Variants in PTPRF observed in about 807,000 individuals in gnomAD.
PTPRF encodes the protein protein tyrosine phosphatase receptor type F.
Under a neutral mutation model 201.8 loss-of-function variants are expected in PTPRF, and 59 were observed. That is an observed-to-expected ratio of 0.29 (90% CI 0.24 to 0.36). The LOEUF (loss-of-function observed/expected upper bound fraction) is 0.36, where lower values mean the gene tolerates loss of function less well. Ranked by LOEUF, PTPRF falls within the 10% of genes least tolerant of loss-of-function variation. The pLI is 1.00. For missense variants in PTPRF, 2,132 were observed against 2,690.5 expected, an observed-to-expected ratio of 0.79 and a Z score of 4.59; for synonymous variants, 1,088 against 1,089.7, an observed-to-expected ratio of 1.00 and a Z score of 0.03.
chr1:43,589,151 T>TC, intron 8 of PTPRF, 151 bp downstream of exon 8: 3 of 901,368 alleles, frequency 3.3e-6, no homozygotes, highest in Non-Finnish European at 3.1e-6. Context: ...CCTCCAGCCC[T>TC]TAGAGGGAGG....
At chr1:43,618,807 G>A (rs1293893121) in intron 26 of PTPRF, 58 bp downstream of exon 26, 2 of 1,572,810 alleles carry the variant, frequency 1.3e-6, no homozygotes, top group African/African-American at 2.7e-5. Flanking sequence ...CAGTGGCCTG[G>A]GTGTGGTGTG....
At chr1:43,536,902 G>A (rs939822014) in intron 1 of PTPRF, among the ~76,000 whole-genome samples, 1 of 152,206 alleles carries the variant, frequency 6.6e-6, no homozygotes, top group African/African-American at 2.4e-5. Context: ...ATTGGCAGAG[G>A]TGGTTAGTGC....
chr1:43,609,808 C>T (rs903682229), intron 22 of PTPRF, among the ~76,000 whole-genome samples: 4 of 152,198 alleles, frequency 2.6e-5, no homozygotes, highest in Non-Finnish European at 4.4e-5. Context: ...GCCCACGTCT[C>T]TGCCACAGGG....
chr1:43,528,800 A>T (rs1448042307), upstream of PTPRF: 1 of 152,172 alleles, frequency 6.6e-6, no homozygotes, highest in Admixed American at 6.5e-5. Flanking sequence ...GCTCTTAGTT[A>T]TATGGATCTG....
chr1:43,588,350 GA>G lies in PTPRF; in HGVS notation c.680-380del, dbSNP rs1202671683. Among the ~76,000 whole-genome samples the G allele has an allele frequency of 3.9e-5, 6 of 152,330 alleles. No homozygotes were observed. The East Asian group carries it at 1.2e-3, about 29-fold the overall frequency. ...GGTGCTCCAGCCAGGAGCAGGCAGA[GA>G]TAGGCCCTGGAGAACACCCTGGGTT... On this transcript the variant is annotated intron_variant, in intron 7 of 33. Coordinates refer to ENST00000359947, the MANE Select transcript of PTPRF (RefSeq NM_002840.5). The surrounding 1 kb of genome is among the most constrained non-coding windows in gnomAD (Gnocchi z 5.3).
At position 43,603,547 on chromosome 1, in the gene PTPRF, C is replaced by A. The variant is rs752563491; in HGVS notation, c.2458+14C>A. The A allele has an allele frequency of 6.2e-7, 1 of 1,613,118 alleles. No individual in the cohort carries two copies. The highest frequency in any genetic ancestry group is 1.1e-5 in the South Asian group (1 of 91,060). On this transcript the variant is annotated intron_variant, in intron 15 of 33. Coordinates refer to ENST00000359947, the MANE Select transcript of PTPRF (RefSeq NM_002840.5). This position sits in a 1 kb window ranked among gnomAD's most constrained non-coding sequence, Gnocchi z 5.8. The stretch of plus-strand genomic sequence containing the variant: ...CAACAGGTGCAGGTGAGTGAGGGGT[C>A]AGGACGGACCTGAGGGTGGGGCAGC...
At chr1:43,607,516 G>T (rs1655410868) in intron 21 of PTPRF, among the ~76,000 whole-genome samples, 1 of 152,236 alleles carries the variant, frequency 6.6e-6, no homozygotes, top group South Asian at 2.1e-4. Flanking sequence ...TCTATCGGCA[G>T]TGGCCACCAC....
At chr1:43,529,036 C>T (rs1236121642), upstream of PTPRF, among the ~76,000 whole-genome samples, 1 of 152,166 alleles carries the variant, frequency 6.6e-6, no homozygotes, top group Non-Finnish European at 1.5e-5. Context: ...GTTTTAATAA[C>T]TCAGCAATGG....
Position 43,553,837 on chromosome 1 carries a change from G to A in PTPRF, c.275G>A (p.Arg92Gln), listed in dbSNP as rs1645181120. Residue 92 changes from arginine to glutamine, a missense_variant, in exon 5 of 34, where the codon CGG becomes CAG. Transcript: ENST00000359947. This position sits in a 1 kb window ranked among gnomAD's most constrained non-coding sequence, Gnocchi z 4.1. Reference sequence around the variant, plus strand: ...GATGATGGGGCAGGGTCAGTGCTTCGGATCCAGCCATTGCGGGTGCAGCGA... The same window carrying A: ...GATGATGGGGCAGGGTCAGTGCTTCAGATCCAGCCATTGCGGGTGCAGCGA... ...EFDDGAGSVL[R>Q]IQPLRVQRDE... 2 of 1,614,062 alleles carry A rather than the reference G, an allele frequency of 1.2e-6. No individual in the cohort carries two copies. Among genetic ancestry groups the A allele is most frequent in the Admixed American group, 1.7e-5 (1 of 60,000 alleles).
intron 13 of PTPRF, among the ~76,000 whole-genome samples, chr1:43,599,651 A>T (rs551037059): frequency 1.3e-5 from 2 of 152,232 alleles, no homozygotes; most frequent in South Asian, 4.1e-4. Flanking sequence ...TCCTGGGAGG[A>T]TGGTCCTGCC....
intron 25 of PTPRF, 90 bp downstream of exon 25, chr1:43,618,001 G>T (rs1226031287): frequency 2.9e-6 from 4 of 1,364,366 alleles, no homozygotes; most frequent in Non-Finnish European, 4.0e-6. Flanking sequence ...GCTTTCTTCT[G>T]TGGAGGAAGT....
chr1:43,610,634 C>A (rs988003217), intron 22 of PTPRF, among the ~76,000 whole-genome samples: 2 of 152,246 alleles, frequency 1.3e-5, no homozygotes, highest in Non-Finnish European at 2.9e-5. Flanking sequence ...GATCCCAGCA[C>A]TTTGGGAGGC....
At chr1:43,549,128 T>C (rs868117615) in intron 3 of PTPRF, among the ~76,000 whole-genome samples, 1 of 152,170 alleles carries the variant, frequency 6.6e-6, no homozygotes, top group Non-Finnish European at 1.5e-5. Context: ...GGGGGCACGC[T>C]CTCGTGGGGT....
Position 43,620,231 on chromosome 1 carries a change from C to A in PTPRF, c.5238+10C>A. ...TCGGGAGATGGGCAGGGTGAGCCCA[C>A]CCTTTCCCCCAGGGCCCCTGTCATA... On this transcript the variant is annotated intron_variant, in intron 30 of 33. Coordinates refer to ENST00000359947, the MANE Select transcript of PTPRF (RefSeq NM_002840.5). 1 of 1,613,588 alleles carries A rather than the reference C, an allele frequency of 6.2e-7. No homozygotes were observed. The highest frequency in any genetic ancestry group is 8.5e-7 in the Non-Finnish European group (1 of 1,179,688).
At chr1:43,548,969 C>T (rs1644853853) in intron 3 of PTPRF, among the ~76,000 whole-genome samples, 1 of 152,212 alleles carries the variant, frequency 6.6e-6, no homozygotes, top group African/African-American at 2.4e-5. Flanking sequence ...GGTTGCAGCC[C>T]CCTTCCTCCA....
intron 8 of PTPRF, 147 bp downstream of exon 8, chr1:43,589,147 G>T (rs1187370672): frequency 1.2e-5 from 11 of 919,904 alleles, no homozygotes; most frequent in Middle Eastern, 3.4e-4. Flanking sequence ...GGGTCCTCCA[G>T]CCCTTAGAGG....
chr1:43,572,356 T>A (rs929996150), intron 6 of PTPRF, among the ~76,000 whole-genome samples: 2 of 152,234 alleles, frequency 1.3e-5, no homozygotes, highest in Non-Finnish European at 2.9e-5. Flanking sequence ...TCCTTCTGCT[T>A]TCCAGGTCCA....
At chr1:43,574,865 C>T (rs763552534) in intron 6 of PTPRF, among the ~76,000 whole-genome samples, 1 of 152,242 alleles carries the variant, frequency 6.6e-6, no homozygotes, top group Non-Finnish European at 1.5e-5. Context: ...CACTCACAAG[C>T]TGGTGTGACC....
Position 43,542,919 on chromosome 1 carries a change from A to T in PTPRF, c.-45-2112A>T, listed in dbSNP as rs1001033351. On this transcript the variant is annotated intron_variant, in intron 2 of 33. Coordinates refer to ENST00000359947, the MANE Select transcript of PTPRF (RefSeq NM_002840.5). The surrounding 1 kb of genome is among the most constrained non-coding windows in gnomAD (Gnocchi z 5.2). Reference sequence around the variant, plus strand: ...ATTTTCATAGCAGGGAGATATGCTCATGCTGGGGGCCTATGTCCCTATGAA... The same window carrying T: ...ATTTTCATAGCAGGGAGATATGCTCTTGCTGGGGGCCTATGTCCCTATGAA... 5.3e-5 allele frequency among the ~76,000 whole-genome samples: 8 copies of T among 152,162 alleles called. No individual in the cohort carries two copies. Among genetic ancestry groups the T allele is most frequent in the Non-Finnish European group, 1.2e-4 (8 of 68,020 alleles).
Sources: gnomAD v4.1 joint callset for allele counts (sites outside exome capture counted in the v4.1 genomes callset) on GRCh38, gnomAD v4.1.1 for gene constraint, Gnocchi (gnomAD v3.1) non-coding constraint, MANE v1.5 for transcripts, NCBI Gene and HGNC (gene_info 2026-07-23, HGNC 2026-07-21) for gene names.